The following ATP9B variants were observed in gnomAD, a reference collection of about 807,000 sequenced individuals.
ATP9B encodes probable phospholipid-transporting ATPase IIB.
In ATP9B, 110 loss-of-function variants were observed where a neutral mutation model predicts 146.1. The ratio of observed to expected loss-of-function variants is 0.75; its 90% confidence interval spans 0.65 to 0.88. The LOEUF (loss-of-function observed/expected upper bound fraction) is 0.88, where lower values mean the gene tolerates loss of function less well. ATP9B is among the 40% of genes least tolerant of loss of function. ATP9B has a pLI of 0.00. For missense variants in ATP9B, 1,499 were observed against 1,496.4 expected (o/e 1.00, Z -0.03); for synonymous variants, 604 against 569.7 (o/e 1.06, Z -0.86).
intron 21 of ATP9B, 22 bp downstream of exon 21, chr18:79,344,376 G>T (rs1178985966): frequency 9.4e-6 from 15 of 1,603,210 alleles, no homozygotes; most frequent in African/African-American, 1.4e-5. Flanking sequence ...CCCTGAGTGA[G>T]TACATGTCTG....
At chr18:79,143,569 T>C (rs137947888) in intron 5 of ATP9B, among the ~76,000 whole-genome samples, 1 of 152,340 alleles carries the variant, frequency 6.6e-6, no homozygotes, top group East Asian at 1.9e-4. Context: ...CCCTTTTAAA[T>C]TACTACGAAG....
chr18:79,309,874 A>T (rs1157594480), intron 15 of ATP9B, among the ~76,000 whole-genome samples: 2 of 152,212 alleles, frequency 1.3e-5, no homozygotes, highest in Non-Finnish European at 2.9e-5. Flanking sequence ...AGGTTCCATG[A>T]CTATTGAATG....
intron 13 of ATP9B, among the ~76,000 whole-genome samples, chr18:79,284,372 T>C (rs1459023164): frequency 6.6e-6 from 1 of 152,204 alleles, no homozygotes. Context: ...AGTTGAGATA[T>C]TAACACATGC....
chr18:79,278,447 A>G (rs747220846), intron 13 of ATP9B, among the ~76,000 whole-genome samples: 1 of 152,214 alleles, frequency 6.6e-6, no homozygotes, highest in African/African-American at 2.4e-5. Context: ...CCCAACTGTC[A>G]GGTAACGTAA....
At chr18:79,375,712 A>C in intron 29 of ATP9B, 2 of 985,352 alleles carry the variant, frequency 2.0e-6, no homozygotes, top group Non-Finnish European at 2.4e-6. Flanking sequence ...TTGCCTTTTC[A>C]GTTGTAGGGG....
chr18:79,228,268 G>A (rs537008177), intron 11 of ATP9B, among the ~76,000 whole-genome samples: 19 of 152,290 alleles, frequency 1.2e-4, no homozygotes, highest in Admixed American at 9.2e-4. Flanking sequence ...TCCTCTGCCC[G>A]TAGAACAGAC....
chr18:79,104,832 C>T (rs2075547435), intron 2 of ATP9B, among the ~76,000 whole-genome samples: 1 of 152,040 alleles, frequency 6.6e-6, no homozygotes, highest in Non-Finnish European at 1.5e-5. Context: ...CAGCCTTGAC[C>T]TCCAGGGCTC....
intron 11 of ATP9B, among the ~76,000 whole-genome samples, chr18:79,250,878 A>C (rs1247673023): frequency 1.3e-5 from 2 of 152,144 alleles, no homozygotes; most frequent in Non-Finnish European, 2.9e-5. Context: ...CCCATGCTGG[A>C]GCTCCGAGAT....
chr18:79,253,024 C>G (rs1046631726), intron 11 of ATP9B, among the ~76,000 whole-genome samples: 1 of 152,214 alleles, frequency 6.6e-6, no homozygotes, highest in African/African-American at 2.4e-5. Context: ...GCTGGGCCCT[C>G]AGAACTCTGT....
At chr18:79,131,208 C>A (rs377335029) in intron 5 of ATP9B, among the ~76,000 whole-genome samples, 1 of 151,960 alleles carries the variant, frequency 6.6e-6, no homozygotes, top group African/African-American at 2.4e-5. Flanking sequence ...AAAGCTAATA[C>A]GCTTTCGTGC....
At chr18:79,138,176 T>G (rs1007490457) in intron 5 of ATP9B, among the ~76,000 whole-genome samples, 1 of 151,910 alleles carries the variant, frequency 6.6e-6, no homozygotes, top group South Asian at 2.1e-4. Flanking sequence ...TACCAGTATT[T>G]ATGTTTATTA....
intron 17 of ATP9B, among the ~76,000 whole-genome samples, chr18:79,335,500 T>G (rs2096819193): frequency 6.6e-6 from 1 of 152,256 alleles, no homozygotes; most frequent in Non-Finnish European, 1.5e-5. Context: ...TGAACACGGT[T>G]AGCACCGTTT....
At chr18:79,258,438 AAATAAT>A (rs766216188) in intron 12 of ATP9B, among the ~76,000 whole-genome samples, 47 of 152,280 alleles carry the variant, frequency 3.1e-4, no homozygotes, top group African/African-American at 1.0e-3. Flanking sequence ...TCGAAAGAAA[AAATAAT>A]AATAATAAGA....
rs145870565 is a variant in ATP9B, at chr18:79,346,912, C to T, written c.2683-858C>T. ...AAAGGAGGAATTGGTCGGAGTCCCC[C>T]GCTTTGACCTCACATTTCATAATGT... On this transcript the variant is annotated intron_variant, in intron 23 of 29. Transcript: ENST00000426216. Among the ~76,000 whole-genome samples, 328 of 152,374 alleles carry T rather than the reference C, an allele frequency of 2.2e-3. 5 individuals are homozygous for T. Among genetic ancestry groups the T allele is most frequent in the Admixed American group, 0.02 (304 of 15,314 alleles).
chr18:79,212,408 G>T (rs1370661730), intron 10 of ATP9B, among the ~76,000 whole-genome samples: 1 of 152,192 alleles, frequency 6.6e-6, no homozygotes, highest in Non-Finnish European at 1.5e-5. Context: ...CCACTCTAGA[G>T]TCCACTTTGC....
chr18:79,284,180 C>A (rs1345834786), intron 13 of ATP9B, among the ~76,000 whole-genome samples: 3 of 152,132 alleles, frequency 2.0e-5, no homozygotes, highest in Non-Finnish European at 4.4e-5. Flanking sequence ...TGAGTGCATA[C>A]GAGGCAAGCA....
At chr18:79,224,848 G>C (rs1176837191) in intron 11 of ATP9B, among the ~76,000 whole-genome samples, 4 of 152,136 alleles carry the variant, frequency 2.6e-5, no homozygotes, top group Middle Eastern at 3.2e-3. Flanking sequence ...CTTGTCCTTG[G>C]GGGGTTATGG....
Position 79,330,038 on chromosome 18 carries a change from C to G in ATP9B, c.1962C>G (p.Phe654Leu). 1.2e-6 allele frequency: 2 copies of G among 1,614,118 alleles called. No individual in the cohort carries two copies. The highest frequency in any genetic ancestry group is 1.7e-6 in the Non-Finnish European group (2 of 1,179,982). The change falls in exon 17 of 30, where the codon TTC (phenylalanine) becomes TTG (leucine). Residue 654 changes from phenylalanine (F) to leucine (L), a missense_variant. By Grantham distance (22) the Phe-to-Leu change is conservative. Transcript: ENST00000426216. Reference protein sequence around the residue: ...VRDESTAEITFYMKGADVAMS... With the variant: ...VRDESTAEITLYMKGADVAMS... The stretch of plus-strand genomic sequence containing the variant: ...ATGAATCCACGGCAGAAATCACATT[C>G]TACATGAAGGGCGCTGACGTGGCCA...
At chr18:79,264,015 G>A (rs1463335611) in intron 12 of ATP9B, among the ~76,000 whole-genome samples, 1 of 152,168 alleles carries the variant, frequency 6.6e-6, no homozygotes, top group African/African-American at 2.4e-5. Flanking sequence ...AACCCGGAAG[G>A]CGGAGGTTGC....
Sources: gnomAD v4.1 joint callset for allele counts (sites outside exome capture counted in the v4.1 genomes callset) on GRCh38, gnomAD v4.1.1 for gene constraint, MANE v1.5 for transcripts, NCBI Gene and HGNC (gene_info 2026-07-23, HGNC 2026-07-21) for gene names.